ITGA1: variants seen among roughly 807,000 people sequenced by gnomAD.
ITGA1 encodes integrin subunit alpha 1.
Under a neutral mutation model 145.9 loss-of-function variants are expected in ITGA1, and 85 were observed. That is an observed-to-expected ratio of 0.58 (90% CI 0.49 to 0.70). The LOEUF is 0.70. Among genes scored for constraint, ITGA1 ranks in the 30% least tolerant of loss-of-function variants. ITGA1 has a pLI of 0.00. For missense variants in ITGA1, 1,351 were observed against 1,418.7 expected (o/e 0.95, Z 0.77); for synonymous variants, 520 against 495.3 (o/e 1.05, Z -0.66).
intron 1 of ITGA1, among the ~76,000 whole-genome samples, chr5:52,805,927 C>T (rs1748582219): frequency 6.6e-6 from 1 of 152,120 alleles, no homozygotes; most frequent in Non-Finnish European, 1.5e-5. Context: ...TTGACCAGCA[C>T]ACAATTTTGC....
In ITGA1 at chr5:52,865,102, T is replaced by A; in HGVS notation, c.496+20T>A. ...TACAAGGTACAGATTTTATGCAATG[T>A]TCTTGCATGTTTGAAAAGCCTATGC... On this transcript the variant is annotated intron_variant, in intron 5 of 28. Transcript: ENST00000282588. 1.3e-6 allele frequency: 2 copies of A among 1,526,448 alleles called. No individual in the cohort carries two copies. The highest frequency in any genetic ancestry group is 1.8e-6 in the Non-Finnish European group (2 of 1,105,912). The allele number at this position is 1,526,448 out of a possible 1,614,324, so 94.6% of individuals were successfully genotyped here.
chr5:52,840,619 T>C (rs1749239012), intron 1 of ITGA1, among the ~76,000 whole-genome samples: 1 of 152,088 alleles, frequency 6.6e-6, no homozygotes, highest in African/African-American at 2.4e-5. Context: ...TTATTTGTGG[T>C]GGGAGGATAT....
chr5:52,919,680 C>T (rs1478443), intron 16 of ITGA1, among the ~76,000 whole-genome samples: 129,253 of 152,210 alleles, frequency 0.85, 55,351 homozygotes, highest in African/African-American at 0.96. Flanking sequence ...GGTATAAGAA[C>T]ATAAAATAAT....
rs774961834 is a variant in ITGA1, at chr5:52,910,359, C to G, written c.1797C>G (p.His599Gln). 1 of 1,613,490 alleles carries G rather than the reference C, an allele frequency of 6.2e-7. No individual in the cohort carries two copies. The highest frequency in any genetic ancestry group is 1.3e-5 in the African/African-American group (1 of 74,794). The stretch of plus-strand genomic sequence containing the variant: ...TAGGAGCTCCGCTGGAAGATGATCA[C>G]GGGGGAGCTGTGTACATTTATCATG... ...IVIGAPLEDDHGGAVYIYHGS... is the reference protein window; with the variant it reads ...IVIGAPLEDDQGGAVYIYHGS... Residue 599 changes from histidine to glutamine, a missense_variant, in exon 14 of 29, where the codon CAC (histidine) becomes CAG (glutamine). His to Gln is a conservative substitution (Grantham distance 24). Coordinates refer to ENST00000282588, the MANE Select transcript of ITGA1 (RefSeq NM_181501.2).
chr5:52,843,567 G>A (rs1475649503), intron 1 of ITGA1, among the ~76,000 whole-genome samples: 1 of 152,114 alleles, frequency 6.6e-6, no homozygotes, highest in Non-Finnish European at 1.5e-5. Flanking sequence ...ACAAGAGGGT[G>A]GCTTCCTTCA....
intron 1 of ITGA1, chr5:52,803,985 A>G (rs980182301): frequency 6.6e-6 from 1 of 152,138 alleles, no homozygotes. Context: ...AACCTCTATA[A>G]ATTTCTGTTT....
chr5:52,865,742 T>C lies in ITGA1; in HGVS notation c.549T>C (p.Ile183=), dbSNP rs776597806. 7.5e-6 allele frequency: 12 copies of C among 1,603,570 alleles called. No individual in the cohort carries two copies. Among genetic ancestry groups the C allele is most frequent in the Middle Eastern group, 1.7e-4 (1 of 6,036 alleles). ...TAGTGCTGGATGGTTCCAACAGTAT[T>C]TACCCATGGGACAGTGTTACAGCTT... ...IVIVLDGSNS[I]YPWDSVTAFL... The change falls in exon 6 of 29, where the codon ATT becomes ATC. Residue 183 remains isoleucine, a synonymous_variant. Transcript: ENST00000282588.
At chr5:52,847,694 A>T (rs1190830022) in intron 1 of ITGA1, among the ~76,000 whole-genome samples, 1 of 152,166 alleles carries the variant, frequency 6.6e-6, no homozygotes, top group Non-Finnish European at 1.5e-5. Context: ...CTGGGACTAC[A>T]GGGGCATGCC....
chr5:52,905,620 C>T (rs1750390346), intron 11 of ITGA1, 143 bp from the exon 12 acceptor site: 1 of 615,322 alleles, frequency 1.6e-6, no homozygotes, highest in Non-Finnish European at 2.5e-6. Flanking sequence ...AAAACAAATT[C>T]TTACGTGCAT....
chr5:52,889,179 C>T (rs538974328), intron 8 of ITGA1, among the ~76,000 whole-genome samples: 247 of 148,630 alleles, frequency 1.7e-3, no homozygotes, highest in Non-Finnish European at 3.3e-3. Flanking sequence ...CGGCTCACTG[C>T]AACCTCCAAC....
chr5:52,907,731 C>T (rs1750433959), intron 12 of ITGA1, among the ~76,000 whole-genome samples: 1 of 152,106 alleles, frequency 6.6e-6, no homozygotes, highest in Non-Finnish European at 1.5e-5. Context: ...GGCAAAAAAA[C>T]ACAGGAAGTG....
chr5:52,882,028 G>A lies in ITGA1; in HGVS notation c.773+7G>A. The A allele has an allele frequency of 1.9e-6, 3 of 1,555,440 alleles. No homozygotes were observed. The highest frequency in any genetic ancestry group is 2.6e-6 in the Non-Finnish European group (3 of 1,150,022). ...TTGGAATAGACACAGCAAGGTATAT[G>A]GATAAAAAAATAAACTAAAGTAAAA... On this transcript the variant is annotated splice_region_variant and intron_variant, in intron 7 of 28. Transcript: ENST00000282588.
At chr5:52,940,521 G>A (rs1023620904) in intron 26 of ITGA1, among the ~76,000 whole-genome samples, 4 of 150,868 alleles carry the variant, frequency 2.7e-5, no homozygotes, top group African/African-American at 9.7e-5. Context: ...CCATTCTCCT[G>A]CCTCAGCCTC....
At chr5:52,851,933 A>C (rs1749437671) in intron 2 of ITGA1, among the ~76,000 whole-genome samples, 1 of 152,326 alleles carries the variant, frequency 6.6e-6, no homozygotes, top group African/African-American at 2.4e-5. Context: ...TAAAAGCTTT[A>C]ACCTAGTCAA....
At chr5:52,912,791 G>A (rs1750586963) in intron 14 of ITGA1, among the ~76,000 whole-genome samples, 1 of 149,250 alleles carries the variant, frequency 6.7e-6, no homozygotes, top group South Asian at 2.1e-4. Flanking sequence ...CTGTCGCCCA[G>A]GCTAGACTGC....
At chr5:52,818,997 A>G (rs1748822698) in intron 1 of ITGA1, among the ~76,000 whole-genome samples, 1 of 152,118 alleles carries the variant, frequency 6.6e-6, no homozygotes, top group Non-Finnish European at 1.5e-5. Flanking sequence ...CTCCTGTACT[A>G]TGCCCTTGGG....
chr5:52,801,785 TC>T (rs1390146152), intron 1 of ITGA1: 1 of 1,613,792 alleles, frequency 6.2e-7, no homozygotes, highest in Non-Finnish European at 8.5e-7. Context: ...ATTCTCCGCT[TC>T]CCTGTTCCCG....
At chr5:52,906,241 G>A (rs775766380) in intron 12 of ITGA1, among the ~76,000 whole-genome samples, 28 of 152,174 alleles carry the variant, frequency 1.8e-4, no homozygotes, top group Non-Finnish European at 4.4e-5. Context: ...GCTAGGATTG[G>A]TGCAGAAAAG....
chr5:52,940,152 C>T (rs1360230334), intron 26 of ITGA1, among the ~76,000 whole-genome samples: 3 of 152,122 alleles, frequency 2.0e-5, no homozygotes, highest in Admixed American at 2.0e-4. Flanking sequence ...ACCAAGGTCC[C>T]CTCTGGAGAG....
Sources: gnomAD v4.1 joint callset for allele counts (sites outside exome capture counted in the v4.1 genomes callset) on GRCh38, gnomAD v4.1.1 for gene constraint, MANE v1.5 for transcripts, NCBI Gene and HGNC (gene_info 2026-07-23, HGNC 2026-07-21) for gene names.